The following TRPM3 variants were observed in gnomAD, a reference collection of about 807,000 sequenced individuals.
TRPM3 encodes the protein transient receptor potential cation channel subfamily M member 3.
Under a neutral mutation model 181.2 loss-of-function variants are expected in TRPM3, and 77 were observed. That is an observed-to-expected ratio of 0.42 (90% CI 0.35 to 0.51). The LOEUF (loss-of-function observed/expected upper bound fraction) is 0.51. TRPM3 is among the 20% of genes least tolerant of loss of function. The pLI is 0.01. For missense variants in TRPM3, 1,759 were observed against 2,196.7 expected, an observed-to-expected ratio of 0.80 and a Z score of 3.98; for synonymous variants, 745 against 796.4, an observed-to-expected ratio of 0.94 and a Z score of 1.09.
intron 7 of TRPM3, 148 bp from the exon 8 acceptor site, chr9:70,761,872 G>C: frequency 1.1e-6 from 1 of 925,244 alleles, no homozygotes. Context: ...TATCCCGCCT[G>C]TGATAATTTA....
chr9:71,161,405 G>A, intron 1 of TRPM3, among the ~76,000 whole-genome samples: 1 of 152,248 alleles, frequency 6.6e-6, no homozygotes, highest in South Asian at 2.1e-4. Context: ...ATTTGTGAGG[G>A]TATGAGTATG....
intron 22 of TRPM3, among the ~76,000 whole-genome samples, chr9:70,554,005 A>G (rs1340688892): frequency 6.6e-6 from 1 of 151,696 alleles, no homozygotes; most frequent in Non-Finnish European, 1.5e-5. Context: ...TTCCATTCCA[A>G]AAGTGTGCTT....
chr9:70,917,609 G>T, intron 1 of TRPM3: 1 of 438,874 alleles, frequency 2.3e-6, no homozygotes, highest in Non-Finnish European at 4.3e-6. Flanking sequence ...AGATTCACAA[G>T]TCTTATGGTA....
intron 7 of TRPM3, chr9:70,775,808 T>C (rs1484940475): frequency 6.6e-6 from 1 of 152,016 alleles, no homozygotes; most frequent in African/African-American, 2.4e-5. Flanking sequence ...TGTAGTTTTT[T>C]CCTCTTATTT....
chr9:70,660,027 C>T (rs1207406164), intron 9 of TRPM3, among the ~76,000 whole-genome samples: 1 of 152,128 alleles, frequency 6.6e-6, no homozygotes, highest in Non-Finnish European at 1.5e-5. Context: ...ACTTAACAAC[C>T]TGCTAAAAAT....
At chr9:70,667,746 T>G (rs562644857) in intron 9 of TRPM3, among the ~76,000 whole-genome samples, 126 of 152,224 alleles carry the variant, frequency 8.3e-4, no homozygotes, top group Non-Finnish European at 1.6e-3. Flanking sequence ...CAGTTTGATA[T>G]CAGCTTAATA....
At position 71,407,169 on chromosome 9, in the gene TRPM3, A is replaced by C. The variant is rs573367643; in HGVS notation, c.183+39484T>G. Among the ~76,000 whole-genome samples, 252 of 152,278 alleles carry C rather than the reference A, an allele frequency of 1.7e-3. 3 individuals carry two copies. Among genetic ancestry groups the C allele is most frequent in the Middle Eastern group, 6.8e-3 (2 of 294 alleles). ...CAGCTCCCAGCATGAGCGACACAGA[A>C]GACAGGTAATTTCTACATTTCCAAC... On this transcript the variant is annotated intron_variant, in intron 1 of 24. Coordinates refer to the TRPM3 transcript ENST00000357533.
intron 8 of TRPM3, among the ~76,000 whole-genome samples, chr9:70,752,027 TGTGTGTGTGTGTGTGTGTGTGTGCGC>T (rs57993777): frequency 0.057 from 7,305 of 129,054 alleles, 255 homozygotes; most frequent in South Asian, 0.14. Context: ...TGTGTGTGTG[TGTGTGTGTGTGTGTGTGTGTGTGCGC>T]GCGCGCGCGC....
intron 9 of TRPM3, among the ~76,000 whole-genome samples, chr9:70,671,439 T>C (rs1018130602): frequency 2.6e-5 from 4 of 151,964 alleles, no homozygotes; most frequent in African/African-American, 4.8e-5. Context: ...GCTTTGGTCT[T>C]GGAAAAAAAG....
intron 1 of TRPM3, among the ~76,000 whole-genome samples, chr9:70,876,620 T>A (rs1176255695): frequency 6.6e-6 from 1 of 151,948 alleles, no homozygotes; most frequent in Non-Finnish European, 1.5e-5. Context: ...AACATGACTT[T>A]TTTTCCTCCT....
intron 1 of TRPM3, among the ~76,000 whole-genome samples, chr9:71,341,146 A>T (rs931449358): frequency 6.6e-6 from 1 of 152,194 alleles, no homozygotes; most frequent in African/African-American, 2.4e-5. Flanking sequence ...ATTGATATAT[A>T]TAGGAAGAAA....
rs549358906 is a variant in TRPM3 at position 70,819,588 on chromosome 9, T to G, written c.973+8259A>C. Among the ~76,000 whole-genome samples the G allele has an allele frequency of 2.0e-5, 3 of 152,276 alleles. No individual in the cohort carries two copies. The South Asian group carries it at 6.2e-4, about 32-fold the overall frequency. ...GCTTCAAATTCTTCTCCAAGCAAACTTTGAAAGTAGCAAAAGCACTGGTTA... is the reference window on the plus strand; with the variant it reads ...GCTTCAAATTCTTCTCCAAGCAAACGTTGAAAGTAGCAAAAGCACTGGTTA... On this transcript the variant is annotated intron_variant, in intron 6 of 25. Transcript: ENST00000677713.
intron 1 of TRPM3, among the ~76,000 whole-genome samples, chr9:71,158,806 C>G (rs1324828207): frequency 6.6e-6 from 1 of 152,094 alleles, no homozygotes; most frequent in African/African-American, 2.4e-5. Context: ...GATTACCCTC[C>G]TCGATGTGGG....
chr9:70,976,020 G>A (rs139576802), intron 1 of TRPM3, among the ~76,000 whole-genome samples: 1 of 152,046 alleles, frequency 6.6e-6, no homozygotes, highest in Admixed American at 6.5e-5. Flanking sequence ...TCCATTCCCA[G>A]CATGAGAGAA....
At chr9:70,554,415 A>G (rs919547448) in intron 22 of TRPM3, among the ~76,000 whole-genome samples, 10 of 152,166 alleles carry the variant, frequency 6.6e-5, no homozygotes, top group African/African-American at 2.4e-4. Flanking sequence ...GGCCAGGAAG[A>G]TTTGAAAAGT....
intron 1 of TRPM3, among the ~76,000 whole-genome samples, chr9:71,008,329 A>G (rs1407660064): frequency 6.6e-6 from 1 of 152,150 alleles, no homozygotes; most frequent in Non-Finnish European, 1.5e-5. Flanking sequence ...GAATTCTACC[A>G]AACATTTAAA....
At chr9:70,948,373 A>G (rs2096959471) in intron 1 of TRPM3, among the ~76,000 whole-genome samples, 1 of 152,216 alleles carries the variant, frequency 6.6e-6, no homozygotes, top group African/African-American at 2.4e-5. Context: ...AAAACGAAAT[A>G]TACTTTAATA....
chr9:71,397,438 G>T (rs1421865026), intron 1 of TRPM3, among the ~76,000 whole-genome samples: 1 of 152,022 alleles, frequency 6.6e-6, no homozygotes, highest in African/African-American at 2.4e-5. Context: ...CTTAATAACT[G>T]TGATTCTTTG....
intron 3 of TRPM3, among the ~76,000 whole-genome samples, chr9:70,857,831 A>G (rs2095426345): frequency 6.6e-6 from 1 of 152,198 alleles, no homozygotes; most frequent in Non-Finnish European, 1.5e-5. Flanking sequence ...CCAATGAATG[A>G]GACTCTCTTG....
Sources: gnomAD v4.1 joint callset for allele counts (sites outside exome capture counted in the v4.1 genomes callset) on GRCh38, gnomAD v4.1.1 for gene constraint, MANE v1.5 for transcripts, NCBI Gene and HGNC (gene_info 2026-07-23, HGNC 2026-07-21) for gene names.